The following PHF24 variants were observed in gnomAD, a reference collection of about 807,000 sequenced individuals.
PHF24 encodes the protein Galpha inhibitory interacting protein.
A neutral mutation model predicts 42.6 loss-of-function variants in PHF24; 25 were observed. The observed-to-expected ratio is 0.59, with a 90% CI of 0.43 to 0.82. The LOEUF (loss-of-function observed/expected upper bound fraction) is 0.82, where lower values mean the gene tolerates loss of function less well. PHF24 is among the 40% of genes least tolerant of loss of function. The pLI, the probability that PHF24 is intolerant of heterozygous loss-of-function variation, is 0.00. For synonymous variants in PHF24, 185 were observed against 204.8 expected (o/e 0.90, Z 0.83); for missense variants, 470 against 538.1 (o/e 0.87, Z 1.25).
At chr9:34,917,046 G>T in the PHF24 span, 4 of 603,114 alleles carry the variant, frequency 6.6e-6, no homozygotes, top group Non-Finnish European at 9.1e-6. Context: ...TCATGAGGGA[G>T]AGTCAAGAGT....
the PHF24 span, among the ~76,000 whole-genome samples, chr9:34,882,178 A>C: frequency 6.6e-6 from 1 of 152,038 alleles, no homozygotes; most frequent in Non-Finnish European, 1.5e-5. Flanking sequence ...CATGCTAAAA[A>C]CTCTCAATAA....
chr9:34,833,633 T>G, the PHF24 span: 4 of 1,534,978 alleles, frequency 2.6e-6, no homozygotes, highest in African/African-American at 5.5e-5. Flanking sequence ...GAAGTTTAGT[T>G]TGGTCAAGAT....
chr9:34,967,619 TCTGTCA>T (rs1377727187), intron 1 of PHF24, among the ~76,000 whole-genome samples: 2 of 152,202 alleles, frequency 1.3e-5, no homozygotes, highest in East Asian at 3.8e-4. Context: ...TTGGGGTACC[TCTGTCA>T]CTGTAAGTTG....
chr9:34,709,545 GCCC>G, the PHF24 span: 1 of 1,614,106 alleles, frequency 6.2e-7, no homozygotes, highest in Non-Finnish European at 8.5e-7. Context: ...AGTCTTGGAG[GCCC>G]CCCTGTCCTT....
the PHF24 span, among the ~76,000 whole-genome samples, chr9:34,845,397 T>A: frequency 1.3e-5 from 2 of 152,164 alleles, no homozygotes; most frequent in African/African-American, 4.8e-5. Flanking sequence ...ATAGACCCTT[T>A]ATTCCTTTTT....
the PHF24 span, among the ~76,000 whole-genome samples, chr9:34,841,843 G>A: frequency 6.6e-6 from 1 of 152,230 alleles, no homozygotes; most frequent in African/African-American, 2.4e-5. Flanking sequence ...GGCAACAAGA[G>A]TGAGACTCCG....
At chr9:34,832,847 G>A in the PHF24 span, 2 of 1,551,550 alleles carry the variant, frequency 1.3e-6, no homozygotes, top group African/African-American at 1.4e-5. Context: ...AGGAATTGTT[G>A]CTGGTTCAAG....
At chr9:34,709,588 A>G in the PHF24 span, 1 of 1,613,818 alleles carries the variant, frequency 6.2e-7, no homozygotes, top group Non-Finnish European at 8.5e-7. Flanking sequence ...TTCTGTGGGG[A>G]TGGTGTCTTG....
the PHF24 span, among the ~76,000 whole-genome samples, chr9:34,764,677 G>A: frequency 6.6e-6 from 1 of 151,940 alleles, no homozygotes; most frequent in South Asian, 2.1e-4. Context: ...TTTTTGAAGG[G>A]TTTTTTGTGT....
chr9:34,821,975 C>T, the PHF24 span, among the ~76,000 whole-genome samples: 1 of 152,120 alleles, frequency 6.6e-6, no homozygotes, highest in African/African-American at 2.4e-5. Flanking sequence ...GGTTATGCTT[C>T]CTTAATTAAA....
At chr9:34,690,039 G>A in the PHF24 span, 66 of 1,611,360 alleles carry the variant, frequency 4.1e-5, 1 homozygote, top group South Asian at 2.3e-4. Flanking sequence ...GTGAGAGGCC[G>A]GAGAGAATGG....
chr9:34,692,785 C>CTTTTTTTTTT, the PHF24 span, among the ~76,000 whole-genome samples: 1 of 120,064 alleles, frequency 8.3e-6, no homozygotes, highest in Non-Finnish European at 1.7e-5. Flanking sequence ...TTCTTTTGTC[C>CTTTTTTTTTT]TTTTTTTTTT....
At chr9:34,760,821 G>A in the PHF24 span, among the ~76,000 whole-genome samples, 1 of 152,142 alleles carries the variant, frequency 6.6e-6, no homozygotes, top group Admixed American at 6.5e-5. Flanking sequence ...GCGAAAACTG[G>A]TCTTTACAAA....
chr9:34,888,358 C>T, the PHF24 span, among the ~76,000 whole-genome samples: 1 of 152,144 alleles, frequency 6.6e-6, no homozygotes, highest in African/African-American at 2.4e-5. Flanking sequence ...ATAGTGCCTG[C>T]CACATAGCAA....
the PHF24 span, among the ~76,000 whole-genome samples, chr9:34,683,339 G>T: frequency 6.6e-6 from 1 of 152,256 alleles, no homozygotes; most frequent in South Asian, 2.1e-4. Context: ...GGGATTAAAG[G>T]CGTGAGCCAC....
At chr9:34,802,313 T>C in the PHF24 span, among the ~76,000 whole-genome samples, 1 of 152,198 alleles carries the variant, frequency 6.6e-6, no homozygotes, top group African/African-American at 2.4e-5. Flanking sequence ...ACCTAGCCAA[T>C]TGTAGAGTCT....
chr9:34,735,527 A>G, the PHF24 span, among the ~76,000 whole-genome samples: 3 of 150,382 alleles, frequency 2.0e-5, no homozygotes, highest in South Asian at 4.3e-4. Flanking sequence ...CAGGCCGGGC[A>G]CGGTGGCTCA....
At chr9:34,695,813 T>C in the PHF24 span, among the ~76,000 whole-genome samples, 5 of 152,172 alleles carry the variant, frequency 3.3e-5, no homozygotes, top group East Asian at 9.6e-4. Context: ...TGGTTTTCCC[T>C]GTATCCTTGG....
At chr9:34,734,607 T>C in the PHF24 span, among the ~76,000 whole-genome samples, 1 of 152,138 alleles carries the variant, frequency 6.6e-6, no homozygotes, top group Non-Finnish European at 1.5e-5. Context: ...TGAAGACCCA[T>C]TGCAGCTGGA....
Sources: allele counts gnomAD v4.1 joint callset (sites outside exome capture counted in the v4.1 genomes callset), GRCh38; gene constraint gnomAD v4.1.1; transcripts MANE v1.5; gene names NCBI Gene and HGNC (gene_info 2026-07-23, HGNC 2026-07-21).